Variants in PDE11A observed in about 807,000 individuals in gnomAD.
The protein encoded by PDE11A is phosphodiesterase 11A.
PDE11A carries 100 observed loss-of-function variants against 100.5 expected under a neutral mutation model. The observed-to-expected ratio is 1.00, with a 90% CI of 0.85 to 1.18. The LOEUF (loss-of-function observed/expected upper bound fraction) is 1.18. Among genes scored for constraint, PDE11A ranks in the 50% most tolerant of loss-of-function variants. PDE11A has a pLI of 0.00. For synonymous variants in PDE11A, 381 were observed against 420.8 expected, an observed-to-expected ratio of 0.91 and a Z score of 1.16; for missense variants, 1,141 against 1,152.6, an observed-to-expected ratio of 0.99 and a Z score of 0.15.
chr2:177,683,799 G>A (rs887001758), intron 15 of PDE11A, among the ~76,000 whole-genome samples: 1 of 152,202 alleles, frequency 6.6e-6, no homozygotes, highest in East Asian at 1.9e-4. Flanking sequence ...AGAAAGGGAA[G>A]TGGTGGAGTG....
At chr2:177,763,497 CCT>C (rs900790541) in intron 10 of PDE11A, among the ~76,000 whole-genome samples, 1 of 152,140 alleles carries the variant, frequency 6.6e-6, no homozygotes, top group Non-Finnish European at 1.5e-5. Flanking sequence ...AAGCTCCTGC[CCT>C]CTTTCTGGTA....
At chr2:178,093,746 T>C (rs1399008951) in intron 2 of PDE11A, among the ~76,000 whole-genome samples, 1 of 152,134 alleles carries the variant, frequency 6.6e-6, no homozygotes, top group African/African-American at 2.4e-5. Flanking sequence ...TCAAAAAGAA[T>C]AGGATATATC....
At chr2:177,860,944 C>G (rs2083934485) in intron 5 of PDE11A, among the ~76,000 whole-genome samples, 1 of 151,684 alleles carries the variant, frequency 6.6e-6, no homozygotes, top group Non-Finnish European at 1.5e-5. Flanking sequence ...CTTCCTCAAA[C>G]TAATAAAAGG....
intron 1 of PDE11A, among the ~76,000 whole-genome samples, chr2:178,037,926 G>T (rs1159290485): frequency 6.6e-6 from 1 of 151,690 alleles, no homozygotes; most frequent in African/African-American, 2.4e-5. Flanking sequence ...ATGCATGGGG[G>T]GCTTAAAAGC....
At chr2:177,633,478 T>C (rs1334789092) in intron 19 of PDE11A, among the ~76,000 whole-genome samples, 1 of 152,222 alleles carries the variant, frequency 6.6e-6, no homozygotes, top group Non-Finnish European at 1.5e-5. Flanking sequence ...GGGTGGGGGT[T>C]GAAAGCCCGA....
At chr2:178,073,334 TAA>T (rs1461240760), upstream of PDE11A, among the ~76,000 whole-genome samples, 1 of 152,122 alleles carries the variant, frequency 6.6e-6, no homozygotes, top group Non-Finnish European at 1.5e-5. Flanking sequence ...AAATAGCAAA[TAA>T]AGTTTCCGAT....
intron 10 of PDE11A, among the ~76,000 whole-genome samples, chr2:177,768,007 T>A (rs2082261993): frequency 6.6e-6 from 1 of 152,172 alleles, no homozygotes; most frequent in African/African-American, 2.4e-5. Flanking sequence ...GGTGGCACCC[T>A]ATCTCTCCCT....
intron 2 of PDE11A, among the ~76,000 whole-genome samples, chr2:177,928,156 A>T (rs1054572735): frequency 2.6e-5 from 4 of 151,474 alleles, no homozygotes; most frequent in Non-Finnish European, 5.9e-5. Flanking sequence ...ATCAATTGGT[A>T]AATCTCATCT....
chr2:177,897,639 T>C (rs1178297143), intron 4 of PDE11A, among the ~76,000 whole-genome samples: 1 of 152,168 alleles, frequency 6.6e-6, no homozygotes, highest in Non-Finnish European at 1.5e-5. Flanking sequence ...GCTTCCTCCT[T>C]GCCTTAAGAA....
chr2:177,667,510 T>C (rs945002660), intron 18 of PDE11A, among the ~76,000 whole-genome samples: 2 of 152,180 alleles, frequency 1.3e-5, no homozygotes, highest in African/African-American at 2.4e-5. Flanking sequence ...AGACATTATC[T>C]TGGCACCCAT....
chr2:177,787,252 G>T (rs927041957), intron 9 of PDE11A, among the ~76,000 whole-genome samples: 23 of 142,646 alleles, frequency 1.6e-4, no homozygotes, highest in African/African-American at 4.5e-4. Context: ...TTAAAGAAAA[G>T]AATTTTCAAC....
At chr2:178,003,226 T>C (rs1004232860) in intron 2 of PDE11A, among the ~76,000 whole-genome samples, 2 of 152,140 alleles carry the variant, frequency 1.3e-5, no homozygotes, top group Non-Finnish European at 2.9e-5. Flanking sequence ...GAAAAAACTA[T>C]GTTCACACAA....
intron 7 of PDE11A, among the ~76,000 whole-genome samples, chr2:177,818,327 ATC>A (rs10608828): frequency 0.22 from 31,084 of 139,678 alleles, 3,398 homozygotes; most frequent in Non-Finnish European, 0.24. Context: ...ATATATATAT[ATC>A]ATACTCTGAA....
intron 2 of PDE11A, among the ~76,000 whole-genome samples, chr2:178,100,205 TG>T (rs2087545646): frequency 6.6e-6 from 1 of 152,158 alleles, no homozygotes; most frequent in African/African-American, 2.4e-5. Context: ...GACACAGAAT[TG>T]TAAGTTAAGA....
intron 2 of PDE11A, among the ~76,000 whole-genome samples, chr2:178,094,637 C>T (rs962708623): frequency 6.6e-6 from 1 of 152,100 alleles, no homozygotes; most frequent in Non-Finnish European, 1.5e-5. Context: ...TCAAAAAAGG[C>T]CTTTATGAAT....
At chr2:177,710,732 A>G (rs981039271) in intron 13 of PDE11A, among the ~76,000 whole-genome samples, 2 of 152,226 alleles carry the variant, frequency 1.3e-5, no homozygotes, top group African/African-American at 4.8e-5. Context: ...ATTGAAATTC[A>G]TCTGCTAGAT....
chr2:177,666,265 A>G (rs2080579979), intron 18 of PDE11A, among the ~76,000 whole-genome samples: 3 of 152,242 alleles, frequency 2.0e-5, no homozygotes, highest in Admixed American at 1.3e-4. Flanking sequence ...TTTATTGCCA[A>G]ATAATATTTC....
intron 9 of PDE11A, among the ~76,000 whole-genome samples, chr2:177,780,411 C>T (rs548097096): frequency 3.3e-5 from 5 of 152,076 alleles, no homozygotes; most frequent in Admixed American, 6.5e-5. Context: ...CTTAAGGGCC[C>T]GAGGATTTTC....
chr2:177,753,617 T>C (rs1163414394), intron 10 of PDE11A, among the ~76,000 whole-genome samples: 1 of 151,380 alleles, frequency 6.6e-6, no homozygotes, highest in Non-Finnish European at 1.5e-5. Flanking sequence ...AGTGATAGAG[T>C]AACTTTGGGG....
Sources: allele counts gnomAD v4.1 joint callset (sites outside exome capture counted in the v4.1 genomes callset), GRCh38; gene constraint gnomAD v4.1.1; transcripts MANE v1.5; gene names NCBI Gene and HGNC (gene_info 2026-07-23, HGNC 2026-07-21).